RSF1: variants seen among roughly 807,000 people sequenced by gnomAD.
RSF1 encodes the protein HBV pX-associated protein 8.
A neutral mutation model predicts 145.2 loss-of-function variants in RSF1; 13 were observed. That is an observed-to-expected ratio of 0.09 (90% CI 0.06 to 0.14). The LOEUF (loss-of-function observed/expected upper bound fraction) is 0.14, where lower values mean the gene tolerates loss of function less well. Among genes scored for constraint, RSF1 ranks in the 10% least tolerant of loss-of-function variants. RSF1 has a pLI of 1.00. For missense variants in RSF1, 1,517 were observed against 1,718.2 expected, an observed-to-expected ratio of 0.88 and a Z score of 2.07; for synonymous variants, 577 against 592.6, an observed-to-expected ratio of 0.97 and a Z score of 0.38.
intron 2 of RSF1, among the ~76,000 whole-genome samples, chr11:77,751,930 T>C (rs1364781291): frequency 6.6e-6 from 1 of 152,200 alleles, no homozygotes; most frequent in African/African-American, 2.4e-5. Context: ...ATCCTTATTT[T>C]ACAATTGAGA....
the RSF1 span, among the ~76,000 whole-genome samples, chr11:77,834,774 A>C: frequency 1.3e-5 from 2 of 152,186 alleles, no homozygotes; most frequent in East Asian, 1.9e-4. Context: ...AAGTACTTGC[A>C]GAAGAATGTT....
intron 1 of RSF1, among the ~76,000 whole-genome samples, chr11:77,810,333 C>T (rs1948718274): frequency 2.0e-5 from 3 of 152,168 alleles, no homozygotes; most frequent in Admixed American, 2.0e-4. Flanking sequence ...GACAATTAGG[C>T]AGAGGTAGCC....
chr11:77,720,405 C>A (rs1392618253), intron 5 of RSF1, among the ~76,000 whole-genome samples: 1 of 152,030 alleles, frequency 6.6e-6, no homozygotes, highest in Non-Finnish European at 1.5e-5. Flanking sequence ...ATACAGTATC[C>A]AATGTAGAGA....
At chr11:77,835,656 C>T in the RSF1 span, among the ~76,000 whole-genome samples, 6 of 151,858 alleles carry the variant, frequency 4.0e-5, no homozygotes, top group Non-Finnish European at 5.9e-5. Flanking sequence ...TGGTGGCTCA[C>T]GCCTGTAATC....
intron 1 of RSF1, among the ~76,000 whole-genome samples, chr11:77,777,277 C>A (rs1275197108): frequency 1.3e-5 from 2 of 152,126 alleles, no homozygotes; most frequent in Non-Finnish European, 2.9e-5. Flanking sequence ...ATAACCATAT[C>A]ATTATTACCA....
At chr11:77,677,771 G>C (rs942371180) in intron 12 of RSF1, among the ~76,000 whole-genome samples, 2 of 152,106 alleles carry the variant, frequency 1.3e-5, no homozygotes, top group African/African-American at 4.8e-5. Flanking sequence ...AGACTTTGTA[G>C]TCTCAAAGAC....
chr11:77,693,246 G>C (rs1038208924), intron 8 of RSF1, among the ~76,000 whole-genome samples: 1 of 152,014 alleles, frequency 6.6e-6, no homozygotes, highest in Non-Finnish European at 1.5e-5. Flanking sequence ...TCTACACTTG[G>C]TGCTTTTTGT....
At chr11:77,753,461 A>G (rs1487665310) in intron 2 of RSF1, among the ~76,000 whole-genome samples, 1 of 152,232 alleles carries the variant, frequency 6.6e-6, no homozygotes, top group Non-Finnish European at 1.5e-5. Flanking sequence ...CCACTAGGCT[A>G]GGAGGATAGA....
chr11:77,754,283 T>C (rs1219760401), intron 2 of RSF1, among the ~76,000 whole-genome samples: 2 of 152,112 alleles, frequency 1.3e-5, no homozygotes, highest in Non-Finnish European at 2.9e-5. Context: ...CTGGATCGGG[T>C]GCTTACTGAC....
the RSF1 span, among the ~76,000 whole-genome samples, chr11:77,843,710 T>A: frequency 8.5e-5 from 13 of 152,328 alleles, no homozygotes; most frequent in East Asian, 2.5e-3. Flanking sequence ...AGTGTGAGAT[T>A]AGGATGCCAG....
chr11:77,843,932 C>G, the RSF1 span, among the ~76,000 whole-genome samples: 2 of 152,112 alleles, frequency 1.3e-5, no homozygotes, highest in Admixed American at 6.6e-5. Context: ...CAGAGAAACT[C>G]TCGTTTTTAA....
intron 1 of RSF1, among the ~76,000 whole-genome samples, chr11:77,796,842 A>C (rs2135972625): frequency 6.6e-6 from 1 of 152,312 alleles, no homozygotes; most frequent in African/African-American, 2.4e-5. Flanking sequence ...TGCAAAAATC[A>C]CAAGCATTCC....
intron 1 of RSF1, among the ~76,000 whole-genome samples, chr11:77,814,867 G>A (rs955603806): frequency 6.6e-6 from 1 of 151,948 alleles, no homozygotes; most frequent in African/African-American, 2.4e-5. Context: ...ATTGTTTAGT[G>A]ACTTGGAAAC....
chr11:77,806,560 A>C (rs1480532303), intron 1 of RSF1, among the ~76,000 whole-genome samples: 1 of 151,980 alleles, frequency 6.6e-6, no homozygotes, highest in Non-Finnish European at 1.5e-5. Context: ...GGGCACAAGT[A>C]GTGCTAGCTA....
intron 1 of RSF1, among the ~76,000 whole-genome samples, chr11:77,768,862 T>C (rs769520620): frequency 7.2e-5 from 11 of 152,198 alleles, no homozygotes; most frequent in Non-Finnish European, 1.0e-4. Flanking sequence ...AATAGATTGC[T>C]CCAGGATGAT....
intron 6 of RSF1, among the ~76,000 whole-genome samples, chr11:77,700,349 CAAAAAAAAAAAAA>C (rs71046906): frequency 1.3e-4 from 6 of 47,208 alleles, no homozygotes; most frequent in East Asian, 8.3e-4. Flanking sequence ...GACTGTCTCA[CAAAAAAAAAAAAA>C]AAAAAAAAAA....
chr11:77,677,532 T>C (rs1959740473), intron 12 of RSF1, among the ~76,000 whole-genome samples: 1 of 152,204 alleles, frequency 6.6e-6, no homozygotes, highest in Non-Finnish European at 1.5e-5. Flanking sequence ...GGAAAAGCCT[T>C]AAACAATCTA....
At position 77,675,143 on chromosome 11, in the gene RSF1, G is replaced by A; in HGVS notation, c.3455C>T (p.Pro1152Leu). 1 of 1,614,108 alleles carries A rather than the reference G, an allele frequency of 6.2e-7. No individual in the cohort carries two copies. The highest frequency in any genetic ancestry group is 1.3e-5 in the African/African-American group (1 of 75,028). The change falls in exon 14 of 16, where the codon CCC (proline) becomes CTC (leucine). Residue 1152 changes from proline (P) to leucine (L), a missense_variant. Pro to Leu is a moderately conservative substitution (Grantham distance 98). Transcript: ENST00000308488. ...CCTGCTCTGCCTCATTGGCCGAGAGGGGTGTCGCCTCAGTCTACGGCTACA... is the reference window on the plus strand; with the variant it reads ...CCTGCTCTGCCTCATTGGCCGAGAGAGGTGTCGCCTCAGTCTACGGCTACA... ...DFCSRRLRRH[P>L]SRPMRQSRRL...
intron 11 of RSF1, among the ~76,000 whole-genome samples, chr11:77,678,556 TG>T (rs2135820864): frequency 6.6e-6 from 1 of 152,332 alleles, no homozygotes; most frequent in Non-Finnish European, 1.5e-5. Context: ...TGTCTGTTAC[TG>T]TCTGATTGTT....
Sources: gnomAD v4.1 joint callset for allele counts (sites outside exome capture counted in the v4.1 genomes callset) on GRCh38, gnomAD v4.1.1 for gene constraint, MANE v1.5 for transcripts, NCBI Gene and HGNC (gene_info 2026-07-23, HGNC 2026-07-21) for gene names.